The following NRXN1 variants were observed in gnomAD, a reference collection of about 807,000 sequenced individuals.
NRXN1 encodes the protein neurexin-1.
A neutral mutation model predicts 150.9 loss-of-function variants in NRXN1; 39 were observed. The ratio of observed to expected loss-of-function variants is 0.26; its 90% CI spans 0.20 to 0.34. The LOEUF (loss-of-function observed/expected upper bound fraction) is 0.34. Ranked by LOEUF, NRXN1 falls within the 10% of genes least tolerant of loss-of-function variation. The pLI is 1.00. For missense variants in NRXN1, 1,815 were observed against 1,949.9 expected, an observed-to-expected ratio of 0.93 and a Z score of 1.30; for synonymous variants, 924 against 757.0, an observed-to-expected ratio of 1.22 and a Z score of -3.62.
Position 50,347,050 on chromosome 2 carries a change from G to A in NRXN1, c.3365-110080C>T. 1 of 1,379,284 alleles carries A rather than the reference G, an allele frequency of 7.3e-7. No homozygotes were observed. Among genetic ancestry groups the A allele is most frequent in the East Asian group, 4.2e-5 (1 of 23,650 alleles). 85.4% of individuals were successfully genotyped at this position (1,379,284 alleles called of 1,614,324 possible). On this transcript the variant is annotated intron_variant, in intron 17 of 22. Transcript: ENST00000401669. This position sits in a 1 kb window ranked among gnomAD's most constrained non-coding sequence, Gnocchi z 4.9. ...AGCGGGCGGCGCGGAGTGGGCTGAG[G>A]GGCCGGCCGCCTCACCGCGCCAGGG...
chr2:50,746,962 A>G (rs1700096871), intron 5 of NRXN1, among the ~76,000 whole-genome samples: 1 of 152,092 alleles, frequency 6.6e-6, no homozygotes, highest in Non-Finnish European at 1.5e-5. Context: ...AGCTTCTTCA[A>G]TGTGTCTGAA....
intron 18 of NRXN1, among the ~76,000 whole-genome samples, chr2:50,092,855 C>T (rs150335366): frequency 7.2e-5 from 11 of 152,104 alleles, no homozygotes; most frequent in Non-Finnish European, 1.6e-4. Context: ...AGTTAGCATG[C>T]TTACAATTTT....
intron 17 of NRXN1, among the ~76,000 whole-genome samples, chr2:50,372,372 C>T (rs1210097614): frequency 6.6e-6 from 1 of 152,010 alleles, no homozygotes; most frequent in Non-Finnish European, 1.5e-5. Flanking sequence ...TATAGGTTTT[C>T]CACCTGAAAT....
chr2:50,895,006 C>G (rs777780874), intron 5 of NRXN1, among the ~76,000 whole-genome samples: 1 of 152,202 alleles, frequency 6.6e-6, no homozygotes, highest in East Asian at 1.9e-4. Flanking sequence ...ATTACTACTG[C>G]TTTTCAAGAA....
chr2:50,788,404 C>A (rs912162313), intron 5 of NRXN1, among the ~76,000 whole-genome samples: 10 of 152,110 alleles, frequency 6.6e-5, no homozygotes, highest in African/African-American at 2.4e-4. Flanking sequence ...TGGTTTTAAG[C>A]ACTTTACCAA....
At chr2:50,964,941 C>T (rs2104728150) in intron 2 of NRXN1, among the ~76,000 whole-genome samples, 1 of 151,458 alleles carries the variant, frequency 6.6e-6, no homozygotes, top group Middle Eastern at 3.4e-3. Context: ...GCCTAAGTAA[C>T]TTCATTTAAA....
intron 2 of NRXN1, among the ~76,000 whole-genome samples, chr2:51,010,352 A>T (rs1667650786): frequency 6.6e-6 from 1 of 151,982 alleles, no homozygotes; most frequent in Non-Finnish European, 1.5e-5. Flanking sequence ...TCTATTTTGC[A>T]TATATGTGTA....
intron 2 of NRXN1, among the ~76,000 whole-genome samples, chr2:50,987,380 T>C (rs897070896): frequency 6.6e-6 from 1 of 151,930 alleles, no homozygotes; most frequent in Non-Finnish European, 1.5e-5. Flanking sequence ...TGCTATTACA[T>C]AGAGTCAGGC....
rs139046110 is a variant in NRXN1 at position 50,529,240 on chromosome 2, T to C, written c.2348-589A>G. 2.0e-3 allele frequency among the ~76,000 whole-genome samples: 306 copies of C among 152,278 alleles called. 1 individual carries two copies. The highest frequency in any genetic ancestry group is 7.1e-3 in the African/African-American group (294 of 41,570). On this transcript the variant is annotated intron_variant, in intron 11 of 22. Transcript: ENST00000401669. The stretch of plus-strand genomic sequence containing the variant: ...GGCTGGATTCCATACCTTGCGTTAA[T>C]TGGAGGAGGAAAGAAACAACTGTAT...
intron 15 of NRXN1, 135 bp from the exon 16 acceptor site, chr2:50,472,606 C>A: frequency 3.1e-6 from 2 of 634,930 alleles, no homozygotes; most frequent in Non-Finnish European, 5.2e-6. Context: ...AGCTGTTTTC[C>A]CCAAAGTGCT....
intron 22 of NRXN1, chr2:49,926,201 A>C: frequency 2.6e-6 from 1 of 391,262 alleles, no homozygotes. Flanking sequence ...TCATATTTAT[A>C]TTCACTTCTT....
chr2:50,614,038 G>A (rs1288211623), intron 8 of NRXN1, among the ~76,000 whole-genome samples: 2 of 152,014 alleles, frequency 1.3e-5, no homozygotes, highest in African/African-American at 4.8e-5. Flanking sequence ...AAGTGAAGTG[G>A]GAAAGCAAAA....
At chr2:50,155,879 A>T (rs891091446) in intron 18 of NRXN1, among the ~76,000 whole-genome samples, 94 of 151,536 alleles carry the variant, frequency 6.2e-4, no homozygotes, top group Admixed American at 2.5e-3. Flanking sequence ...TCTACTGTTT[A>T]AAAAAAAGTA....
intron 2 of NRXN1, among the ~76,000 whole-genome samples, chr2:50,973,566 AATTAT>A (rs1419826790): frequency 6.6e-6 from 1 of 152,232 alleles, no homozygotes; most frequent in East Asian, 1.9e-4. Context: ...TTCATTAATT[AATTAT>A]ATGTAACAAA....
chr2:50,557,754 G>T (rs1668466342), intron 8 of NRXN1, among the ~76,000 whole-genome samples: 1 of 152,074 alleles, frequency 6.6e-6, no homozygotes. Context: ...TTCTTACATT[G>T]AATTGATGGA....
At chr2:50,951,021 T>C (rs1691240720) in intron 2 of NRXN1, among the ~76,000 whole-genome samples, 1 of 152,338 alleles carries the variant, frequency 6.6e-6, no homozygotes, top group African/African-American at 2.4e-5. Flanking sequence ...GCCTCTGTTC[T>C]GACCTCAGCC....
chr2:50,017,993 G>A (rs1404430247), intron 21 of NRXN1, among the ~76,000 whole-genome samples: 1 of 152,092 alleles, frequency 6.6e-6, no homozygotes, highest in Non-Finnish European at 1.5e-5. Flanking sequence ...TTTTAAAAAG[G>A]AAGATGTCGA....
chr2:49,968,793 A>G (rs140783331), intron 21 of NRXN1, among the ~76,000 whole-genome samples: 10 of 152,208 alleles, frequency 6.6e-5, no homozygotes, highest in African/African-American at 2.2e-4. Context: ...GCAAATATAT[A>G]TTAAGTAATG....
intron 16 of NRXN1, among the ~76,000 whole-genome samples, 167 bp downstream of exon 16, chr2:50,472,131 G>A (rs898399774): frequency 6.6e-6 from 1 of 151,746 alleles, no homozygotes; most frequent in African/African-American, 2.4e-5. Flanking sequence ...AAACAGTACA[G>A]AAAATTTAAG....
Sources: allele counts gnomAD v4.1 joint callset (sites outside exome capture counted in the v4.1 genomes callset), GRCh38; gene constraint gnomAD v4.1.1; non-coding constraint Gnocchi (gnomAD v3.1); transcripts MANE v1.5; gene names NCBI Gene and HGNC (gene_info 2026-07-23, HGNC 2026-07-21).